Variants in DOCK7 observed in about 807,000 individuals in gnomAD.
The protein encoded by DOCK7 is dedicator of cytokinesis protein 7.
DOCK7 carries 138 observed loss-of-function variants against 271.0 expected under a neutral mutation model. The ratio of observed to expected loss-of-function variants is 0.51; its 90% CI spans 0.44 to 0.59. DOCK7 has a LOEUF of 0.59. DOCK7 is among the 20% of genes least tolerant of loss of function. DOCK7 has a pLI of 0.00. For missense variants in DOCK7, 2,066 were observed against 2,592.4 expected (o/e 0.80, Z 4.41); for synonymous variants, 823 against 876.1 (o/e 0.94, Z 1.07).
At chr1:62,635,535 CA>C (rs56366952) in intron 8 of DOCK7, 4,613 of 133,572 alleles carry the variant, frequency 0.035, 162 homozygotes, top group African/African-American at 0.09. Context: ...GACTCAATCT[CA>C]AAAAAAAAAA....
intron 10 of DOCK7, among the ~76,000 whole-genome samples, chr1:62,633,037 T>C (rs957024430): frequency 3.9e-5 from 6 of 152,174 alleles, no homozygotes; most frequent in African/African-American, 1.4e-4. Context: ...GTATTTTCTT[T>C]TTTTAAAGAC....
Position 62,559,012 on chromosome 1 carries a change from G to T in DOCK7, c.2408C>A (p.Pro803His), listed in dbSNP as rs1646234424. 6.2e-7 allele frequency: 1 copy of T among 1,612,428 alleles called. No homozygotes were observed. The highest frequency in any genetic ancestry group is 1.3e-5 in the African/African-American group (1 of 74,856). The stretch of plus-strand genomic sequence containing the variant: ...ACCTATTTGGCCAGCAATGACAGGA[G>T]GTCTAATAACTAAAAGTATCAGTTT... ...LDKLILLVIRPPVIAGQIVNL... is the reference protein window; with the variant it reads ...LDKLILLVIRHPVIAGQIVNL... The change falls in exon 20 of 50, where the codon CCT becomes CAT. Residue 803 changes from proline to histidine, a missense_variant. Transcript: ENST00000635253.
At chr1:62,591,338 G>T (rs1426754881) in intron 14 of DOCK7, among the ~76,000 whole-genome samples, 1 of 152,010 alleles carries the variant, frequency 6.6e-6, no homozygotes, top group Non-Finnish European at 1.5e-5. Flanking sequence ...ACAGACACAG[G>T]GGTCTACCTG....
chr1:62,499,798 T>C (rs1434145252), intron 37 of DOCK7, among the ~76,000 whole-genome samples: 2 of 152,030 alleles, frequency 1.3e-5, no homozygotes, highest in Non-Finnish European at 2.9e-5. Flanking sequence ...AGGATCCCTT[T>C]AGCCCAGGAG....
intron 41 of DOCK7, chr1:62,492,355 C>T (rs997299975): frequency 9.4e-6 from 2 of 213,874 alleles, no homozygotes; most frequent in African/African-American, 4.7e-5. Context: ...GCAGCATAAT[C>T]ATGGCTCACT....
At chr1:62,582,896 T>C (rs1009407964) in intron 16 of DOCK7, among the ~76,000 whole-genome samples, 1 of 152,082 alleles carries the variant, frequency 6.6e-6, no homozygotes, top group Non-Finnish European at 1.5e-5. Context: ...CAGGTGGAAA[T>C]AACTGGGAAA....
chr1:62,656,782 AG>A (rs1658066717), intron 2 of DOCK7, among the ~76,000 whole-genome samples: 1 of 137,962 alleles, frequency 7.2e-6, no homozygotes, highest in African/African-American at 2.6e-5. Context: ...TACACCAAGA[AG>A]CCCTAGGGGT....
At chr1:62,597,686 A>G in intron 14 of DOCK7, 1 of 1,613,594 alleles carries the variant, frequency 6.2e-7, no homozygotes, top group Non-Finnish European at 8.5e-7. Context: ...TTGCTATGTT[A>G]GACGATGTAA....
intron 14 of DOCK7, chr1:62,605,689 T>C (rs1650886786): frequency 6.6e-6 from 1 of 152,356 alleles, no homozygotes; most frequent in Non-Finnish European, 1.5e-5. Flanking sequence ...GGTTTTCAAG[T>C]AGAAATAAAC....
intron 1 of DOCK7, among the ~76,000 whole-genome samples, chr1:62,674,005 G>C (rs1660284246): frequency 6.6e-6 from 1 of 151,872 alleles, no homozygotes; most frequent in Non-Finnish European, 1.5e-5. Context: ...TGGAAAGGAA[G>C]AAATAAAACT....
At chr1:62,570,526 A>AT (rs1187532992) in intron 18 of DOCK7, among the ~76,000 whole-genome samples, 1 of 152,192 alleles carries the variant, frequency 6.6e-6, no homozygotes, top group Non-Finnish European at 1.5e-5. Flanking sequence ...CACTGTAGAC[A>AT]TTCTTCACAG....
intron 2 of DOCK7, among the ~76,000 whole-genome samples, chr1:62,662,010 TTA>T (rs1311276895): frequency 2.0e-5 from 3 of 152,186 alleles, no homozygotes; most frequent in East Asian, 1.9e-4. Context: ...AAAGTAAACT[TTA>T]TGTTTTCAAA....
intron 18 of DOCK7, among the ~76,000 whole-genome samples, chr1:62,574,797 C>T (rs1205799239): frequency 6.6e-6 from 1 of 152,048 alleles, no homozygotes; most frequent in Non-Finnish European, 1.5e-5. Flanking sequence ...GGCACAATCT[C>T]GGCTTACTGT....
chr1:62,487,418 TAATA>T lies in DOCK7; in HGVS notation c.5494-10_5494-7del, dbSNP rs752318826. 6.2e-7 allele frequency: 1 copy of T among 1,610,834 alleles called. No homozygotes were observed. The highest frequency in any genetic ancestry group is 8.5e-7 in the Non-Finnish European group (1 of 1,177,860). ...CCTACCTCCCAGCCAGTACTCTGTA[TAATA>T]AAAAGTAAAAAAGGGCAAGTCATAA... On this transcript the variant is annotated splice_region_variant and splice_polypyrimidine_tract_variant and intron_variant, in intron 42 of 49. Coordinates refer to ENST00000635253, the MANE Select transcript of DOCK7 (RefSeq NM_001367561.1).
At chr1:62,528,838 T>A (rs1274793566) in intron 30 of DOCK7, among the ~76,000 whole-genome samples, 1 of 152,212 alleles carries the variant, frequency 6.6e-6, no homozygotes, top group Admixed American at 6.5e-5. Context: ...AGGTTCTAGT[T>A]TTGAAGAAGT....
At chr1:62,610,508 G>A (rs995172215) in intron 14 of DOCK7, among the ~76,000 whole-genome samples, 7 of 151,888 alleles carry the variant, frequency 4.6e-5, no homozygotes, top group African/African-American at 9.7e-5. Context: ...GGATACATGC[G>A]CAGAACGTGC....
At chr1:62,636,448 T>C in intron 8 of DOCK7, 89 bp downstream of exon 8, 1 of 983,032 alleles carries the variant, frequency 1.0e-6, no homozygotes, top group South Asian at 1.6e-5. Flanking sequence ...TGTTTAACAG[T>C]TCTCAAAAAA....
rs745603559 is a variant in DOCK7 at position 62,559,218 on chromosome 1, A to T, written c.2202T>A (p.Asp734Glu). 2 of 1,609,802 alleles carry T rather than the reference A, an allele frequency of 1.2e-6. No homozygotes were observed. The highest frequency in any genetic ancestry group is 2.2e-5 in the South Asian group (2 of 90,836). Residue 734 changes from aspartate (D) to glutamate (E), a missense_variant and splice_region_variant, in exon 20 of 50, where the codon GAT becomes GAA. Around this residue, in one of 2 missense-constraint regions of DOCK7, gnomAD observed 1,414 missense variants for 1,670.4 expected, o/e 0.85. Coordinates refer to ENST00000635253, the MANE Select transcript of DOCK7 (RefSeq NM_001367561.1). ...GAGCAAAAAATTTGTCAAGATAAGG[A>T]TCCTAAAACAAAGAATAAACAAAAG... The part of the protein sequence containing the change: ...VVAVSSIHTQ[D>E]PYLDKFFALV...
Position 62,528,293 on chromosome 1 carries a change from T to G in DOCK7, c.3794A>C (p.Gln1265Pro), listed in dbSNP as rs778886838. 1 of 1,608,842 alleles carries G rather than the reference T, an allele frequency of 6.2e-7. No homozygotes were observed. Among genetic ancestry groups the G allele is most frequent in the South Asian group, 1.1e-5 (1 of 89,356 alleles). ...GGCTATACAAATTGGTCTTCCTCGT[T>G]GATTGTGAGTTTCTAAAGAAAAATA... ...QLYDFTETHN[Q>P]RGRPICIATD... Residue 1265 changes from glutamine to proline, a missense_variant, in exon 31 of 50, where the codon CAA becomes CCA. This residue lies in a region of DOCK7 where 1,414 missense variants were observed against 1,670.4 expected (regional missense o/e 0.85). Transcript: ENST00000635253.
Sources: allele counts gnomAD v4.1 joint callset (sites outside exome capture counted in the v4.1 genomes callset), GRCh38; gene constraint gnomAD v4.1.1; regional missense constraint gnomAD v4.1.1; transcripts MANE v1.5; gene names NCBI Gene and HGNC (gene_info 2026-07-23, HGNC 2026-07-21).